SEMA5B: variants seen among roughly 807,000 people sequenced by gnomAD.
SEMA5B encodes semaphorin-5B.
A neutral mutation model predicts 135.0 loss-of-function variants in SEMA5B; 66 were observed. The observed-to-expected ratio is 0.49, with a 90% CI of 0.40 to 0.60. The LOEUF (loss-of-function observed/expected upper bound fraction) is 0.60, where lower values mean the gene tolerates loss of function less well. Ranked by LOEUF, SEMA5B falls within the 20% of genes least tolerant of loss-of-function variation. The pLI, the probability that SEMA5B is intolerant of heterozygous loss-of-function variation, is 0.00. For synonymous variants in SEMA5B, 690 were observed against 639.5 expected, an observed-to-expected ratio of 1.08 and a Z score of -1.19; for missense variants, 1,501 against 1,566.3, an observed-to-expected ratio of 0.96 and a Z score of 0.70.
At chr3:122,997,184 T>C (rs73856800) in intron 1 of SEMA5B, among the ~76,000 whole-genome samples, 500 of 152,330 alleles carry the variant, frequency 3.3e-3, no homozygotes, top group African/African-American at 0.011. Flanking sequence ...TCTTTAGGTG[T>C]GGAAGCCGAG....
intron 1 of SEMA5B, among the ~76,000 whole-genome samples, chr3:122,990,184 C>T (rs6766347): frequency 0.018 from 2,705 of 152,298 alleles, 86 homozygotes; most frequent in African/African-American, 0.061. Flanking sequence ...TGGCCAATAA[C>T]TTCTCTGCAA....
chr3:122,921,150 C>T (rs1938329685), intron 12 of SEMA5B, among the ~76,000 whole-genome samples: 1 of 152,214 alleles, frequency 6.6e-6, no homozygotes, highest in South Asian at 2.1e-4. Flanking sequence ...ACAGCCAGGA[C>T]TCTCGGTTGC....
intron 1 of SEMA5B, among the ~76,000 whole-genome samples, chr3:123,010,245 C>G (rs775066144): frequency 6.6e-6 from 1 of 152,158 alleles, no homozygotes; most frequent in Non-Finnish European, 1.5e-5. Flanking sequence ...TGGGACAAAT[C>G]ATGGAATTTG....
At chr3:122,972,902 G>A (rs185555386) in intron 1 of SEMA5B, among the ~76,000 whole-genome samples, 20 of 152,170 alleles carry the variant, frequency 1.3e-4, no homozygotes, top group South Asian at 4.2e-4. Flanking sequence ...TTCCCACCCC[G>A]CAGCCTATCC....
intron 7 of SEMA5B, 31 bp downstream of exon 7, chr3:122,928,486 C>A: frequency 6.6e-7 from 1 of 1,512,234 alleles, no homozygotes; most frequent in Non-Finnish European, 9.0e-7. Flanking sequence ...CATGGTGCCC[C>A]CTTCAGTCTC....
chr3:122,975,961 C>A, intron 1 of SEMA5B: 2 of 1,533,986 alleles, frequency 1.3e-6, no homozygotes, highest in Non-Finnish European at 1.7e-6. Flanking sequence ...CTCAACACAT[C>A]CCAAATCTAG....
chr3:123,023,457 T>C (rs1374372679), intron 1 of SEMA5B, among the ~76,000 whole-genome samples: 1 of 152,102 alleles, frequency 6.6e-6, no homozygotes, highest in Non-Finnish European at 1.5e-5. Context: ...TAACACTCCC[T>C]CCAAGCACTT....
At chr3:122,974,845 TCA>T (rs1941259250) in intron 1 of SEMA5B, among the ~76,000 whole-genome samples, 1 of 152,138 alleles carries the variant, frequency 6.6e-6, no homozygotes, top group South Asian at 2.1e-4. Context: ...TTCATAGAGC[TCA>T]GTTATAATAA....
At chr3:122,928,486 C>T in intron 7 of SEMA5B, 31 bp downstream of exon 7, 1 of 1,512,234 alleles carries the variant, frequency 6.6e-7, no homozygotes, top group Non-Finnish European at 9.0e-7. Flanking sequence ...CATGGTGCCC[C>T]CTTCAGTCTC....
At chr3:123,006,072 T>C (rs1163976246) in intron 1 of SEMA5B, among the ~76,000 whole-genome samples, 1 of 152,198 alleles carries the variant, frequency 6.6e-6, no homozygotes, top group Non-Finnish European at 1.5e-5. Context: ...ACACAACAAA[T>C]GTGACTGTGC....
chr3:123,007,670 C>T (rs1447539903), intron 1 of SEMA5B, among the ~76,000 whole-genome samples: 1 of 152,152 alleles, frequency 6.6e-6, no homozygotes, highest in African/African-American at 2.4e-5. Flanking sequence ...AGCTCCTTTG[C>T]CATGTGGTAC....
chr3:122,959,714 G>C lies in SEMA5B; in HGVS notation c.124+1426C>G, dbSNP rs144097765. ...GCACAGAGAGCATGCAGCCATCGGG[G>C]AGAACCAGAGCCCTGCCTCATAGAG... On this transcript the variant is annotated intron_variant, in intron 2 of 22. Transcript: ENST00000357599. Among the ~76,000 whole-genome samples the C allele has an allele frequency of 9.8e-5, 15 of 152,342 alleles. No homozygotes were observed. The East Asian group carries it at 2.9e-3, about 29-fold the overall frequency.
chr3:122,935,859 AATTTTTGT>A (rs1939253516), intron 5 of SEMA5B, among the ~76,000 whole-genome samples: 1 of 151,206 alleles, frequency 6.6e-6, no homozygotes, highest in African/African-American at 2.4e-5. Flanking sequence ...ATGCCCAGCT[AATTTTTGT>A]ATTTTTGTAG....
Position 122,961,183 on chromosome 3 carries a change from C to A in SEMA5B, c.81G>T (p.Arg27Ser). 1.9e-6 allele frequency: 3 copies of A among 1,613,778 alleles called. No homozygotes were observed. Among genetic ancestry groups the A allele is most frequent in the African/African-American group, 1.3e-5 (1 of 75,002 alleles). ...GCCAGCCCCCTACTGTCCATCCACA[C>A]CTTAGCTGTTGGGCTGGGGTATCAG... is the stretch of plus-strand genomic sequence containing the variant. Reference protein sequence around the residue: ...GPPDTPAQQLRCGWTVGGWLL... With the variant: ...GPPDTPAQQLSCGWTVGGWLL... The change falls in exon 2 of 23, where the codon AGG becomes AGT. Residue 27 changes from arginine (R) to serine (S), a missense_variant. Around this residue, in one of 2 missense-constraint regions of SEMA5B, gnomAD observed 574 missense variants for 684.7 expected, o/e 0.84. Coordinates refer to ENST00000357599, the MANE Select transcript of SEMA5B (RefSeq NM_001031702.4).
At chr3:122,987,321 G>A (rs1941733829) in intron 1 of SEMA5B, among the ~76,000 whole-genome samples, 1 of 152,206 alleles carries the variant, frequency 6.6e-6, no homozygotes, top group South Asian at 2.1e-4. Flanking sequence ...TTCTACTTCT[G>A]TTGGTATCTC....
At chr3:122,951,589 T>C (rs1479056310) in intron 2 of SEMA5B, among the ~76,000 whole-genome samples, 2 of 152,212 alleles carry the variant, frequency 1.3e-5, no homozygotes, top group African/African-American at 4.8e-5. Context: ...ACCCTACGTC[T>C]CGCAAAGGTC....
intron 1 of SEMA5B, among the ~76,000 whole-genome samples, chr3:123,014,766 A>G (rs73859431): frequency 0.014 from 2,161 of 152,358 alleles, 55 homozygotes; most frequent in African/African-American, 0.048. Context: ...TTAGGGAAAA[A>G]TGTAGTCTCG....
intron 1 of SEMA5B, among the ~76,000 whole-genome samples, chr3:122,995,456 C>G (rs77806327): frequency 0.022 from 3,287 of 152,262 alleles, 98 homozygotes; most frequent in East Asian, 0.16. Context: ...TAGAGACAGG[C>G]TCTGGGCAGA....
chr3:122,916,066 T>C (rs1938062165), intron 12 of SEMA5B, among the ~76,000 whole-genome samples, 176 bp from the exon 13 acceptor site: 1 of 152,250 alleles, frequency 6.6e-6, no homozygotes, highest in Non-Finnish European at 1.5e-5. Context: ...AAGCACTTTA[T>C]AAGCATGAAT....
Sources: allele counts gnomAD v4.1 joint callset (sites outside exome capture counted in the v4.1 genomes callset), GRCh38; gene constraint gnomAD v4.1.1; regional missense constraint gnomAD v4.1.1; transcripts MANE v1.5; gene names NCBI Gene and HGNC (gene_info 2026-07-23, HGNC 2026-07-21).